Variants in TRAPPC8 observed in about 807,000 individuals in gnomAD.
The protein encoded by TRAPPC8 is general sporulation gene 1 homolog.
Under a neutral mutation model 174.3 loss-of-function variants are expected in TRAPPC8, and 54 were observed. The ratio of observed to expected loss-of-function variants is 0.31; its 90% CI spans 0.25 to 0.39. The LOEUF is 0.39. TRAPPC8 is among the 10% of genes least tolerant of loss of function. TRAPPC8 has a pLI of 1.00. For synonymous variants in TRAPPC8, 630 were observed against 579.9 expected (o/e 1.09, Z -1.24); for missense variants, 1,531 against 1,699.1 (o/e 0.90, Z 1.74).
intron 25 of TRAPPC8, among the ~76,000 whole-genome samples, chr18:31,848,798 A>T (rs987349398): frequency 1.3e-5 from 2 of 152,296 alleles, no homozygotes; most frequent in African/African-American, 4.8e-5. Flanking sequence ...AATAATTTTT[A>T]AAAATAGGTA....
chr18:31,873,336 T>C, intron 14 of TRAPPC8, 94 bp downstream of exon 14: 16 of 1,060,352 alleles, frequency 1.5e-5, no homozygotes, highest in Non-Finnish European at 2.1e-5. Context: ...AATTTTCAAA[T>C]ATTCAACTAT....
chr18:31,939,550 TC>T (rs1220743646), intron 1 of TRAPPC8: 1 of 152,182 alleles, frequency 6.6e-6, no homozygotes, highest in African/African-American at 2.4e-5. Flanking sequence ...CTCATACCAC[TC>T]CTTCATAGGG....
chr18:31,930,272 A>G (rs1275693531), intron 2 of TRAPPC8, among the ~76,000 whole-genome samples: 1 of 151,996 alleles, frequency 6.6e-6, no homozygotes, highest in Non-Finnish European at 1.5e-5. Flanking sequence ...GGCACCTGCC[A>G]CCACACCCAG....
intron 2 of TRAPPC8, among the ~76,000 whole-genome samples, chr18:31,927,341 C>A (rs1485292714): frequency 6.6e-6 from 1 of 152,046 alleles, no homozygotes; most frequent in African/African-American, 2.4e-5. Flanking sequence ...CGGCTGACTG[C>A]AACCTCTGCC....
At chr18:31,927,284 T>C (rs1378401919) in intron 2 of TRAPPC8, among the ~76,000 whole-genome samples, 1 of 151,980 alleles carries the variant, frequency 6.6e-6, no homozygotes, top group African/African-American at 2.4e-5. Context: ...ATTTTTTTTT[T>C]TTGAGACTCA....
intron 2 of TRAPPC8, among the ~76,000 whole-genome samples, chr18:31,920,056 A>G (rs1005150932): frequency 6.6e-6 from 1 of 152,188 alleles, no homozygotes; most frequent in Non-Finnish European, 1.5e-5. Context: ...TCTAATGCAT[A>G]TGTAGTACCA....
intron 12 of TRAPPC8, among the ~76,000 whole-genome samples, chr18:31,889,296 C>T (rs2035857242): frequency 6.6e-6 from 1 of 152,140 alleles, no homozygotes; most frequent in Non-Finnish European, 1.5e-5. Flanking sequence ...TTAGGTATTT[C>T]CTAGAAGCAA....
intron 2 of TRAPPC8, among the ~76,000 whole-genome samples, chr18:31,930,122 C>T (rs1228203733): frequency 6.9e-6 from 1 of 144,364 alleles, no homozygotes; most frequent in Non-Finnish European, 1.5e-5. Context: ...TTAGGAAAAA[C>T]TTTTTTTTTT....
In TRAPPC8 at chr18:31,855,815, T is replaced by TA. The variant is rs34167680; in HGVS notation, c.3189-9dup. On this transcript the variant is annotated splice_polypyrimidine_tract_variant and intron_variant, in intron 20 of 28. Transcript: ENST00000283351. ...TGTCTTAATATTCTGTGCCTGAAGT[T>TA]AAAAAAAAAAAAAAAAGCACATTTA... The TA allele has an allele frequency of 0.16, 234,349 of 1,483,228 alleles. 9,043 individuals are homozygous for TA. The highest frequency in any genetic ancestry group is 0.41 in the African/African-American group (26,237 of 64,344). 91.9% of individuals were successfully genotyped at this position (1,483,228 alleles called of 1,614,324 possible).
chr18:31,909,086 G>T (rs878922543), intron 6 of TRAPPC8, 76 bp from the exon 7 acceptor site: 4 of 958,686 alleles, frequency 4.2e-6, no homozygotes, highest in South Asian at 2.7e-5. Flanking sequence ...TACTGCTAAA[G>T]AAAAAAAAAA....
chr18:31,833,007 A>G (rs185341665), intron 27 of TRAPPC8, among the ~76,000 whole-genome samples: 10 of 152,346 alleles, frequency 6.6e-5, no homozygotes, highest in African/African-American at 2.4e-4. Context: ...TACTTTTTAA[A>G]CAATACCGCA....
At position 31,870,375 on chromosome 18, in the gene TRAPPC8, T is replaced by C; in HGVS notation, c.2385A>G (p.Gln795=). 6.2e-7 allele frequency: 1 copy of C among 1,605,376 alleles called. No homozygotes were observed. Among genetic ancestry groups the C allele is most frequent in the Non-Finnish European group, 8.5e-7 (1 of 1,176,986 alleles). The change falls in exon 16 of 29, where the codon CAA becomes CAG. Residue 795 remains glutamine, a synonymous_variant. Coordinates refer to ENST00000283351, the MANE Select transcript of TRAPPC8 (RefSeq NM_014939.5). ...FSGKDNEEVK[Q]LVTSEPEMIG... Reference sequence around the variant, plus strand: ...CAAATACCTTTTAATAACTTACTAGTTGTTTAACTTCTTCATTATCCTTTC... The same window carrying C: ...CAAATACCTTTTAATAACTTACTAGCTGTTTAACTTCTTCATTATCCTTTC...
At position 31,852,580 on chromosome 18, in the gene TRAPPC8, G is replaced by A. The variant is rs776742231; in HGVS notation, c.3502+15C>T. ...AATGACCATTTAGTAAAGTGTAAAA[G>A]TAAAGTGAATTTACCTTCTTCTTTC... On this transcript the variant is annotated intron_variant, in intron 23 of 28. Coordinates refer to ENST00000283351, the MANE Select transcript of TRAPPC8 (RefSeq NM_014939.5). 5.0e-6 allele frequency: 8 copies of A among 1,613,884 alleles called. No homozygotes were observed. In the South Asian group the frequency reaches 8.8e-5, roughly 18 times the overall value.
intron 9 of TRAPPC8, among the ~76,000 whole-genome samples, chr18:31,907,132 G>C (rs1017084621): frequency 2.0e-5 from 3 of 151,984 alleles, no homozygotes; most frequent in Admixed American, 6.6e-5. Flanking sequence ...TTTGGGTTTT[G>C]TTTTTAAGAA....
In TRAPPC8 at chr18:31,916,428, G is replaced by A; in HGVS notation, c.461C>T (p.Ser154Phe). 6.2e-7 allele frequency: 1 copy of A among 1,610,636 alleles called. No individual in the cohort carries two copies. The highest frequency in any genetic ancestry group is 8.5e-7 in the Non-Finnish European group (1 of 1,179,054). The change falls in exon 4 of 29, where the codon TCT (serine) becomes TTT (phenylalanine). Residue 154 changes from serine to phenylalanine, a missense_variant. By Grantham distance (155) the Ser-to-Phe change is radical. Transcript: ENST00000283351. ...HYLACMLVASSSEAEPVEQFS... is the reference protein window; with the variant it reads ...HYLACMLVASFSEAEPVEQFS... ...CTGTTCCACAGGTTCAGCTTCACTA[G>A]ATGACGCTACCAACATACCTTGTAA... is the stretch of plus-strand genomic sequence containing the variant.
At chr18:31,925,153 A>T (rs2037558496) in intron 2 of TRAPPC8, among the ~76,000 whole-genome samples, 2 of 152,148 alleles carry the variant, frequency 1.3e-5, no homozygotes, top group East Asian at 3.8e-4. Flanking sequence ...CCTCAATTTG[A>T]AATAGAAAAT....
At chr18:31,900,301 C>CT (rs1164302522) in intron 10 of TRAPPC8, among the ~76,000 whole-genome samples, 2 of 152,126 alleles carry the variant, frequency 1.3e-5, no homozygotes, top group Non-Finnish European at 2.9e-5. Context: ...TATCTCAAAC[C>CT]TCCTTTCCAA....
chr18:31,898,001 G>C, intron 10 of TRAPPC8, 110 bp from the exon 11 acceptor site: 1 of 963,478 alleles, frequency 1.0e-6, no homozygotes. Flanking sequence ...TAGTTGCAGG[G>C]AGATGGTTCC....
chr18:31,942,812 G>A lies in TRAPPC8; in HGVS notation c.-48C>T. 1 of 1,304,922 alleles carries A rather than the reference G, an allele frequency of 7.7e-7. No homozygotes were observed. Among genetic ancestry groups the A allele is most frequent in the Non-Finnish European group, 9.8e-7 (1 of 1,021,448 alleles). The allele number at this position is 1,304,922 out of a possible 1,614,324, so 80.8% of individuals were successfully genotyped here. A position where few individuals can be genotyped will look rare whatever the true frequency, so the allele number is the denominator to read the frequency against. On this transcript the variant is annotated 5_prime_UTR_variant, in exon 1 of 29. Transcript: ENST00000283351. ...GCGCCCGCCCTCCGGCCCACCCTGC[G>A]AGGTTATCCTGCGGCTGCAGCAGCT...
Sources: gnomAD v4.1 joint callset for allele counts (sites outside exome capture counted in the v4.1 genomes callset) on GRCh38, gnomAD v4.1.1 for gene constraint, MANE v1.5 for transcripts, NCBI Gene and HGNC (gene_info 2026-07-23, HGNC 2026-07-21) for gene names.